RALGAPA2: variants seen among roughly 807,000 people sequenced by gnomAD.
The protein encoded by RALGAPA2 is Ral GTPase activating protein catalytic subunit alpha 2.
In RALGAPA2, 139 loss-of-function variants were observed where a neutral mutation model predicts 230.4. The observed-to-expected ratio is 0.60, with a 90% CI of 0.53 to 0.69. RALGAPA2 has a LOEUF of 0.69. Among genes scored for constraint, RALGAPA2 ranks in the 30% least tolerant of loss-of-function variants. The pLI is 0.00. For synonymous variants in RALGAPA2, 847 were observed against 837.8 expected, an observed-to-expected ratio of 1.01 and a Z score of -0.19; for missense variants, 2,163 against 2,276.0, an observed-to-expected ratio of 0.95 and a Z score of 1.01.
intron 21 of RALGAPA2, 83 bp downstream of exon 21, chr20:20,572,792 T>C (rs2064687900): frequency 1.7e-6 from 2 of 1,178,388 alleles, no homozygotes; most frequent in Non-Finnish European, 2.3e-6. Flanking sequence ...ATATGTTCAG[T>C]AGTTAACTGA....
chr20:20,527,771 C>A lies in RALGAPA2; in HGVS notation c.3583-1409G>T, dbSNP rs1324876307. On this transcript the variant is annotated intron_variant, in intron 27 of 39. Coordinates refer to ENST00000202677, the MANE Select transcript of RALGAPA2 (RefSeq NM_020343.4). ...TGTATCTTTAATGCCTAGCATGGCC[C>A]CCTTAAGGATGTGCGTGGTGTGCCT... 2.0e-5 allele frequency among the ~76,000 whole-genome samples: 3 copies of A among 152,094 alleles called. No homozygotes were observed. The East Asian group carries it at 5.8e-4, about 29-fold the overall frequency.
chr20:20,401,426 G>A (rs931842658), intron 38 of RALGAPA2, among the ~76,000 whole-genome samples: 1 of 152,012 alleles, frequency 6.6e-6, no homozygotes, highest in Non-Finnish European at 1.5e-5. Context: ...AAGCAAATAG[G>A]GCCAACCCAC....
chr20:20,508,241 T>C (rs1419276338), intron 33 of RALGAPA2, among the ~76,000 whole-genome samples: 1 of 152,202 alleles, frequency 6.6e-6, no homozygotes, highest in Non-Finnish European at 1.5e-5. Context: ...TGTCTGGCCT[T>C]ATTAAAGCCA....
chr20:20,443,372 ACTCTT>A (rs1278670741), intron 37 of RALGAPA2, among the ~76,000 whole-genome samples: 9 of 152,088 alleles, frequency 5.9e-5, no homozygotes, highest in African/African-American at 2.2e-4. Flanking sequence ...CCAGATAGTG[ACTCTT>A]CTGACATTGC....
At chr20:20,600,635 G>A (rs1262648526) in intron 16 of RALGAPA2, among the ~76,000 whole-genome samples, 1 of 152,172 alleles carries the variant, frequency 6.6e-6, no homozygotes, top group South Asian at 2.1e-4. Flanking sequence ...ATGAATCTTT[G>A]TTTTATGGCC....
chr20:20,703,835 C>T (rs1730582753), intron 1 of RALGAPA2, among the ~76,000 whole-genome samples: 1 of 152,150 alleles, frequency 6.6e-6, no homozygotes, highest in Non-Finnish European at 1.5e-5. Flanking sequence ...CTTAGGTCCA[C>T]TCTAGGGCAC....
intron 23 of RALGAPA2, among the ~76,000 whole-genome samples, chr20:20,558,297 C>T (rs1407708259): frequency 1.3e-5 from 2 of 152,338 alleles, no homozygotes; most frequent in Non-Finnish European, 2.9e-5. Context: ...AAAGGCACCG[C>T]GCCCAGCCTG....
intron 37 of RALGAPA2, among the ~76,000 whole-genome samples, chr20:20,457,850 C>T (rs73287257): frequency 2.6e-5 from 4 of 152,266 alleles, no homozygotes; most frequent in Non-Finnish European, 4.4e-5. Context: ...CACATGTGTG[C>T]GGGGCTCTCG....
rs1306687200 is a variant in RALGAPA2 at position 20,546,814 on chromosome 20, T to C, written c.3175A>G (p.Ile1059Val). 10 of 1,595,856 alleles carry C rather than the reference T, an allele frequency of 6.3e-6. No homozygotes were observed. The highest frequency in any genetic ancestry group is 4.5e-5 in the East Asian group (2 of 44,654). The change falls in exon 24 of 40, where the codon ATA becomes GTA. Residue 1059 changes from isoleucine (I) to valine (V), a missense_variant. By Grantham distance (29) the Ile-to-Val change is conservative. Transcript: ENST00000202677. ...SEDQDILNTIIRHCPPRFFSL... is the reference protein window; with the variant it reads ...SEDQDILNTIVRHCPPRFFSL... ...AAAAAGCGGGGTGGACAGTGCCTTA[T>C]GATCGTATTTAAGATATCCTAAAAG...
At position 20,536,649 on chromosome 20, in the gene RALGAPA2, T is replaced by C; in HGVS notation, c.3414+7A>G. On this transcript the variant is annotated splice_region_variant and intron_variant, in intron 25 of 39. Transcript: ENST00000202677. ...AAACTTGAGATACAGTCAAATGCGT[T>C]ATGTACCTTGACATCTTCAGTTCCT... is the stretch of plus-strand genomic sequence containing the variant. 3.1e-6 allele frequency: 5 copies of C among 1,611,132 alleles called. No individual in the cohort carries two copies. Among genetic ancestry groups the C allele is most frequent in the Non-Finnish European group, 4.2e-6 (5 of 1,177,806 alleles).
At chr20:20,522,285 T>G (rs2063068429) in intron 30 of RALGAPA2, among the ~76,000 whole-genome samples, 1 of 152,174 alleles carries the variant, frequency 6.6e-6, no homozygotes, top group African/African-American at 2.4e-5. Flanking sequence ...ATTCACATTT[T>G]ATTGGTCCAA....
Position 20,526,422 on chromosome 20 carries a change from A to C in RALGAPA2, c.3583-60T>G, listed in dbSNP as rs1240572202. ...TAACTTAACAGGTGTATCGTTCTTA[A>C]GGACAAAATAGTTATTTCTTCTCAG... On this transcript the variant is annotated intron_variant, in intron 27 of 39. Transcript: ENST00000202677. 4 of 1,101,102 alleles carry C rather than the reference A, an allele frequency of 3.6e-6. No homozygotes were observed. The East Asian group carries it at 7.5e-5, about 21-fold the overall frequency. The allele number at this position is 1,101,102 out of a possible 1,614,324, so 68.2% of individuals were successfully genotyped here.
intron 4 of RALGAPA2, among the ~76,000 whole-genome samples, chr20:20,651,039 T>C (rs1364453067): frequency 3.3e-5 from 5 of 152,238 alleles, no homozygotes; most frequent in African/African-American, 1.2e-4. Flanking sequence ...TAATGGTACA[T>C]ATTCTTATCT....
intron 37 of RALGAPA2, among the ~76,000 whole-genome samples, chr20:20,460,509 C>T (rs2123275783): frequency 6.6e-6 from 1 of 152,244 alleles, no homozygotes; most frequent in African/African-American, 2.4e-5. Flanking sequence ...GAGAATATCC[C>T]CAAACTCTTC....
chr20:20,443,866 C>T (rs1196143194), intron 37 of RALGAPA2, among the ~76,000 whole-genome samples: 3 of 152,248 alleles, frequency 2.0e-5, no homozygotes, highest in South Asian at 4.1e-4. Flanking sequence ...GGGGGAATCT[C>T]GAGTCCATCT....
chr20:20,618,822 C>T (rs2066233105), intron 12 of RALGAPA2, among the ~76,000 whole-genome samples: 2 of 152,166 alleles, frequency 1.3e-5, no homozygotes, highest in Non-Finnish European at 1.5e-5. Context: ...AGTTCTATTT[C>T]ATATATTCAT....
chr20:20,712,328 T>G lies in RALGAPA2; in HGVS notation c.106+47A>C. 1 of 1,436,862 alleles carries G rather than the reference T, an allele frequency of 7.0e-7. No homozygotes were observed. The highest frequency in any genetic ancestry group is 9.3e-7 in the Non-Finnish European group (1 of 1,078,156). 89.0% of individuals were successfully genotyped at this position (1,436,862 alleles called of 1,614,324 possible). ...CACAGAGGAGCGCCCTCCCGGCAGG[T>G]GCCCCTAACCCGGCGCCCCGACCCC... On this transcript the variant is annotated intron_variant, in intron 1 of 39. Coordinates refer to ENST00000202677, the MANE Select transcript of RALGAPA2 (RefSeq NM_020343.4). The surrounding 1 kb of genome is among the most constrained non-coding windows in gnomAD (Gnocchi z 5.5).
chr20:20,583,284 C>A, intron 19 of RALGAPA2, 58 bp from the exon 20 acceptor site: 4 of 1,489,962 alleles, frequency 2.7e-6, no homozygotes, highest in Admixed American at 2.0e-5. Flanking sequence ...TCAGAATGTT[C>A]ACAATTACTG....
intron 1 of RALGAPA2, among the ~76,000 whole-genome samples, chr20:20,708,711 T>C (rs1187073157): frequency 2.6e-5 from 4 of 152,234 alleles, no homozygotes; most frequent in African/African-American, 9.6e-5. Context: ...CCTATTTTTA[T>C]GACATTCTTA....
Sources: allele counts gnomAD v4.1 joint callset (sites outside exome capture counted in the v4.1 genomes callset), GRCh38; gene constraint gnomAD v4.1.1; non-coding constraint Gnocchi (gnomAD v3.1); transcripts MANE v1.5; gene names NCBI Gene and HGNC (gene_info 2026-07-23, HGNC 2026-07-21).